CSMD1: variants seen among roughly 807,000 people sequenced by gnomAD.
CSMD1 encodes CUB and Sushi multiple domains 1, also known as CUB and sushi domain-containing protein 1.
CSMD1 carries 213 observed loss-of-function variants against 417.5 expected under a neutral mutation model. The ratio of observed to expected loss-of-function variants is 0.51; its 90% CI spans 0.46 to 0.57. The LOEUF (loss-of-function observed/expected upper bound fraction) is 0.57, where lower values mean the gene tolerates loss of function less well. CSMD1 is among the 20% of genes least tolerant of loss of function. The pLI, the probability that CSMD1 is intolerant of heterozygous loss-of-function variation, is 0.00. For synonymous variants in CSMD1, 2,862 were observed against 1,736.8 expected (o/e 1.65, Z -16.11); for missense variants, 6,923 against 4,529.7 (o/e 1.53, Z -15.17).
intron 7 of CSMD1, among the ~76,000 whole-genome samples, chr8:3,682,365 TCAA>T (rs1426109989): frequency 6.6e-6 from 1 of 152,122 alleles, no homozygotes; most frequent in East Asian, 1.9e-4. Context: ...AGCAACCGCA[TCAA>T]CAAGTGGGTG....
intron 3 of CSMD1, among the ~76,000 whole-genome samples, chr8:4,324,964 T>C (rs1171085146): frequency 1.3e-5 from 2 of 152,142 alleles, no homozygotes; most frequent in South Asian, 4.1e-4. Context: ...GGAAAGGATA[T>C]CATTATATCA....
intron 2 of CSMD1, among the ~76,000 whole-genome samples, chr8:4,568,462 A>G (rs1305923934): frequency 1.3e-5 from 2 of 152,002 alleles, no homozygotes; most frequent in Non-Finnish European, 2.9e-5. Flanking sequence ...TTCTTTTTTT[A>G]TGGCTGCATA....
rs11325039 is a variant in CSMD1, at chr8:3,982,617, G to GA, written c.818+15285dup. 1.1e-3 allele frequency among the ~76,000 whole-genome samples: 170 copies of GA among 148,512 alleles called. 2 individuals are homozygous for GA. In the South Asian group the frequency reaches 0.016, roughly 14 times the overall value. ...ACTATTATGAAGTACTGCTGAGAGA[G>GA]AAAAAAAAAAAGCCATTAAATTATG... is the stretch of plus-strand genomic sequence containing the variant. On this transcript the variant is annotated intron_variant, in intron 5 of 69. Coordinates refer to ENST00000635120, the MANE Select transcript of CSMD1 (RefSeq NM_033225.6).
intron 3 of CSMD1, among the ~76,000 whole-genome samples, chr8:4,033,284 CA>C (rs1237104464): frequency 1.4e-4 from 21 of 151,340 alleles, no homozygotes; most frequent in African/African-American, 4.8e-4. Context: ...ACTAAAAATA[CA>C]AAAAAAATTA....
intron 41 of CSMD1, among the ~76,000 whole-genome samples, chr8:3,129,531 T>A (rs1817680400): frequency 1.3e-5 from 2 of 152,098 alleles, no homozygotes; most frequent in South Asian, 4.1e-4. Context: ...TCCCAGCACT[T>A]TGGGAGGCCG....
intron 3 of CSMD1, among the ~76,000 whole-genome samples, chr8:4,194,983 C>T (rs935777097): frequency 6.6e-6 from 1 of 151,874 alleles, no homozygotes; most frequent in East Asian, 1.9e-4. Flanking sequence ...ATCTAGCTTT[C>T]TTTCATCTGG....
chr8:3,644,443 A>T (rs1294508564), intron 7 of CSMD1, among the ~76,000 whole-genome samples: 1 of 152,220 alleles, frequency 6.6e-6, no homozygotes, highest in Non-Finnish European at 1.5e-5. Flanking sequence ...TAGGCACGGT[A>T]GAAAGAAAAG....
At chr8:4,328,788 C>G (rs185871445) in intron 3 of CSMD1, among the ~76,000 whole-genome samples, 45 of 152,274 alleles carry the variant, frequency 3.0e-4, no homozygotes, top group African/African-American at 1.0e-3. Flanking sequence ...ACAAAGTATT[C>G]TCTTTGAAAT....
intron 40 of CSMD1, among the ~76,000 whole-genome samples, chr8:3,149,547 G>A (rs565261054): frequency 6.6e-6 from 1 of 152,268 alleles, no homozygotes; most frequent in African/African-American, 2.4e-5. Context: ...GCGTGATCGT[G>A]GCTCACTGCA....
At chr8:4,439,051 T>A (rs1376115448) in intron 2 of CSMD1, among the ~76,000 whole-genome samples, 1 of 152,224 alleles carries the variant, frequency 6.6e-6, no homozygotes, top group Admixed American at 6.5e-5. Context: ...TAATCTTAGC[T>A]GATATAGGTC....
intron 1 of CSMD1, among the ~76,000 whole-genome samples, chr8:4,693,152 C>T (rs879382589): frequency 2.0e-5 from 3 of 152,216 alleles, no homozygotes; most frequent in Non-Finnish European, 2.9e-5. Flanking sequence ...TCCCTTCAAG[C>T]TCCTCTTAAT....
chr8:4,456,997 A>AC (rs1563196184), intron 2 of CSMD1, among the ~76,000 whole-genome samples: 17 of 151,614 alleles, frequency 1.1e-4, no homozygotes, highest in African/African-American at 4.1e-4. Flanking sequence ...AAAAAAAAAA[A>AC]AACAACAAGA....
chr8:2,980,257 C>T (rs1050537350), intron 54 of CSMD1, among the ~76,000 whole-genome samples: 7 of 152,114 alleles, frequency 4.6e-5, no homozygotes, highest in Middle Eastern at 3.2e-3. Flanking sequence ...TAAGGATGAC[C>T]GAGAGAAACC....
intron 4 of CSMD1, among the ~76,000 whole-genome samples, chr8:3,998,612 A>G (rs1456853636): frequency 1.3e-5 from 2 of 152,224 alleles, no homozygotes; most frequent in East Asian, 1.9e-4. Context: ...ATTGAGTAAC[A>G]TAAAAGAGGC....
chr8:3,835,026 T>G (rs1802595875), intron 5 of CSMD1, among the ~76,000 whole-genome samples: 1 of 151,926 alleles, frequency 6.6e-6, no homozygotes, highest in Non-Finnish European at 1.5e-5. Flanking sequence ...AGACACCATC[T>G]CCCACCAGTT....
chr8:3,707,195 C>A (rs1289750030), intron 7 of CSMD1, among the ~76,000 whole-genome samples: 2 of 152,162 alleles, frequency 1.3e-5, no homozygotes, highest in Admixed American at 1.3e-4. Flanking sequence ...GTAGGTCAAT[C>A]TATAGTATCG....
chr8:4,201,093 T>A (rs1035508338), intron 3 of CSMD1, among the ~76,000 whole-genome samples: 3 of 152,184 alleles, frequency 2.0e-5, no homozygotes, highest in Non-Finnish European at 4.4e-5. Context: ...GCCAATGTCT[T>A]ACCTTTCAGA....
intron 1 of CSMD1, among the ~76,000 whole-genome samples, chr8:4,855,571 G>T (rs1355366820): frequency 6.6e-6 from 1 of 152,160 alleles, no homozygotes; most frequent in Admixed American, 6.5e-5. Context: ...CTGCTTAAAG[G>T]AGCTGATGGA....
chr8:3,216,753 C>T (rs1251738565), intron 29 of CSMD1, among the ~76,000 whole-genome samples: 2 of 152,196 alleles, frequency 1.3e-5, no homozygotes, highest in Admixed American at 1.3e-4. Flanking sequence ...TTATGCATAC[C>T]TTTGAGCTTT....
Sources: allele counts gnomAD v4.1 joint callset (sites outside exome capture counted in the v4.1 genomes callset), GRCh38; gene constraint gnomAD v4.1.1; transcripts MANE v1.5; gene names NCBI Gene and HGNC (gene_info 2026-07-23, HGNC 2026-07-21).